The following CA8 variants were observed in gnomAD, a reference collection of about 807,000 sequenced individuals.
CA8 encodes the protein carbonic anhydrase-related protein.
Under a neutral mutation model 41.4 loss-of-function variants are expected in CA8, and 22 were observed. That is an observed-to-expected ratio of 0.53 (90% CI 0.38 to 0.76). The LOEUF (loss-of-function observed/expected upper bound fraction) is 0.76. Ranked by LOEUF, CA8 falls within the 30% of genes least tolerant of loss-of-function variation. The probability of loss-of-function intolerance (pLI) is 0.00; values close to 1 mark genes in which losing one functional copy is unlikely to be tolerated. For missense variants in CA8, 270 were observed against 352.8 expected, an observed-to-expected ratio of 0.77 and a Z score of 1.88; for synonymous variants, 121 against 130.6, an observed-to-expected ratio of 0.93 and a Z score of 0.50.
intron 7 of CA8, among the ~76,000 whole-genome samples, chr8:60,219,498 C>T (rs975647721): frequency 6.6e-6 from 1 of 152,172 alleles, no homozygotes; most frequent in East Asian, 1.9e-4. Flanking sequence ...TAAATCTGCA[C>T]ATTAGGCCTC....
chr8:60,233,254 T>G (rs1448760037), intron 3 of CA8, among the ~76,000 whole-genome samples: 2 of 152,242 alleles, frequency 1.3e-5, no homozygotes, highest in Non-Finnish European at 2.9e-5. Context: ...ATTTTAAAAT[T>G]AGTTCTAACA....
At chr8:60,191,237 G>C (rs1339539536) in intron 8 of CA8, among the ~76,000 whole-genome samples, 1 of 151,834 alleles carries the variant, frequency 6.6e-6, no homozygotes, top group East Asian at 1.9e-4. Context: ...TACACATTGT[G>C]AAATGGCTAA....
In CA8 at chr8:60,233,346, C is replaced by T. The variant is rs76110847; in HGVS notation, c.418-967G>A. On this transcript the variant is annotated intron_variant, in intron 3 of 8. Transcript: ENST00000317995. Reference sequence around the variant, plus strand: ...TTCAGGAAAATTATCATAAGGATGGCCACAAATTGGATTTTTCCACTGCTG... The same window carrying T: ...TTCAGGAAAATTATCATAAGGATGGTCACAAATTGGATTTTTCCACTGCTG... Among the ~76,000 whole-genome samples the T allele has an allele frequency of 2.5e-3, 388 of 152,188 alleles. 1 individual carries two copies. The highest frequency in any genetic ancestry group is 8.9e-3 in the African/African-American group (370 of 41,520).
At chr8:60,279,573 C>T in intron 2 of CA8, 116 bp downstream of exon 2, 1 of 895,046 alleles carries the variant, frequency 1.1e-6, no homozygotes, top group South Asian at 1.5e-5. Context: ...CAAAGGTATC[C>T]TGAAAATAGA....
At chr8:60,235,452 T>C (rs910480947) in intron 3 of CA8, among the ~76,000 whole-genome samples, 1 of 152,240 alleles carries the variant, frequency 6.6e-6, no homozygotes, top group African/African-American at 2.4e-5. Flanking sequence ...AACATGAATT[T>C]GGCAGGGACA....
chr8:60,262,335 C>CAAAAA, intron 3 of CA8, among the ~76,000 whole-genome samples: 1 of 109,320 alleles, frequency 9.1e-6, no homozygotes, highest in Non-Finnish European at 1.9e-5. Context: ...AGCAAAATGG[C>CAAAAA]AAAAAAAAAA....
intron 7 of CA8, among the ~76,000 whole-genome samples, chr8:60,215,283 A>C (rs1806976293): frequency 6.6e-6 from 1 of 152,092 alleles, no homozygotes; most frequent in African/African-American, 2.4e-5. Context: ...ACGGTTGTTT[A>C]TATTACAGTT....
intron 2 of CA8, among the ~76,000 whole-genome samples, chr8:60,274,893 G>A (rs1804183104): frequency 6.6e-6 from 1 of 152,208 alleles, no homozygotes; most frequent in African/African-American, 2.4e-5. Context: ...ACTTCTGAAT[G>A]TGGCAGTGCA....
intron 8 of CA8, among the ~76,000 whole-genome samples, chr8:60,199,336 T>C (rs187268663): frequency 6.6e-6 from 1 of 152,278 alleles, no homozygotes. Context: ...AATAATTTAG[T>C]TGAAGACCTC....
In CA8 at chr8:60,225,878, C is replaced by T. The variant is rs556103633; in HGVS notation, c.576+995G>A. Among the ~76,000 whole-genome samples, 4 of 152,318 alleles carry T rather than the reference C, an allele frequency of 2.6e-5. No homozygotes were observed. The East Asian group carries it at 7.7e-4, about 29-fold the overall frequency. ...GTGGCTCACGCCTGTAATCCCAGCACTTTGCAAGGCCGAGGTGGGTGGATC... is the reference window on the plus strand; with the variant it reads ...GTGGCTCACGCCTGTAATCCCAGCATTTTGCAAGGCCGAGGTGGGTGGATC... On this transcript the variant is annotated intron_variant, in intron 5 of 8. Transcript: ENST00000317995.
intron 7 of CA8, among the ~76,000 whole-genome samples, chr8:60,211,270 T>C (rs897833527): frequency 6.6e-6 from 1 of 152,224 alleles, no homozygotes; most frequent in Admixed American, 6.5e-5. Flanking sequence ...CACAACTTCT[T>C]TTGAAGTGAA....
intron 2 of CA8, among the ~76,000 whole-genome samples, chr8:60,277,164 A>G (rs1335947219): frequency 9.7e-6 from 1 of 102,646 alleles, no homozygotes; most frequent in African/African-American, 3.9e-5. Flanking sequence ...CGTCTTCAAT[A>G]GTAGAGAGTT....
At chr8:60,197,248 T>A (rs1027630703) in intron 8 of CA8, among the ~76,000 whole-genome samples, 10 of 152,078 alleles carry the variant, frequency 6.6e-5, no homozygotes, top group African/African-American at 2.4e-4. Flanking sequence ...AAAACCATTT[T>A]AAAAATAACT....
In CA8 at chr8:60,281,031, G is replaced by T. The variant is rs1455037095; in HGVS notation, c.100+17C>A. 2 of 1,587,532 alleles carry T rather than the reference G, an allele frequency of 1.3e-6. No homozygotes were observed. Among genetic ancestry groups the T allele is most frequent in the Admixed American group, 1.7e-5 (1 of 59,974 alleles). On this transcript the variant is annotated intron_variant, in intron 1 of 8. Coordinates refer to ENST00000317995, the MANE Select transcript of CA8 (RefSeq NM_004056.6). ...GCCGCCGCGGGACCCCGGACACCCC[G>T]ACTCGCGGCCACTTACCTTCCTCGT...
intron 3 of CA8, among the ~76,000 whole-genome samples, chr8:60,250,285 TG>T (rs113964801): frequency 0.078 from 11,855 of 152,218 alleles, 1,433 homozygotes; most frequent in African/African-American, 0.26. Flanking sequence ...AGCCCTTTCC[TG>T]GGCATTTCCA....
At chr8:60,242,475 T>C (rs1160181137) in intron 3 of CA8, among the ~76,000 whole-genome samples, 2 of 151,754 alleles carry the variant, frequency 1.3e-5, no homozygotes, top group Admixed American at 6.6e-5. Context: ...AGAGGGAGGG[T>C]TGGAAAAGAC....
chr8:60,277,942 A>C (rs2130634333), intron 2 of CA8, among the ~76,000 whole-genome samples: 1 of 152,318 alleles, frequency 6.6e-6, no homozygotes. Context: ...GTTCTGGATC[A>C]TGAGTATCCA....
chr8:60,210,437 C>T (rs896593464), intron 7 of CA8, among the ~76,000 whole-genome samples: 1 of 152,150 alleles, frequency 6.6e-6, no homozygotes, highest in Non-Finnish European at 1.5e-5. Flanking sequence ...AGGGGGCCCA[C>T]GAAAGCCCTG....
At chr8:60,192,648 CATAA>C (rs1806162549) in intron 8 of CA8, among the ~76,000 whole-genome samples, 3 of 152,034 alleles carry the variant, frequency 2.0e-5, no homozygotes, top group Admixed American at 1.3e-4. Flanking sequence ...TGTGTGCATG[CATAA>C]ATAAGTGCAA....
Sources: allele counts gnomAD v4.1 joint callset (sites outside exome capture counted in the v4.1 genomes callset), GRCh38; gene constraint gnomAD v4.1.1; transcripts MANE v1.5; gene names NCBI Gene and HGNC (gene_info 2026-07-23, HGNC 2026-07-21).